Variants in KMT2D observed in about 807,000 individuals in gnomAD.
The protein encoded by KMT2D is histone-lysine N-methyltransferase 2D.
In KMT2D, 55 loss-of-function variants were observed where a neutral mutation model predicts 512.7. The observed-to-expected ratio is 0.11, with a 90% CI of 0.09 to 0.13. The LOEUF (loss-of-function observed/expected upper bound fraction) is 0.13. KMT2D is among the 10% of genes least tolerant of loss of function. The pLI is 1.00. For synonymous variants in KMT2D, 2,995 were observed against 2,904.0 expected (o/e 1.03, Z -1.01); for missense variants, 6,061 against 7,127.9 (o/e 0.85, Z 5.39).
In KMT2D at chr12:49,020,229, G is replaced by A. The variant is rs1288117070; in HGVS notation, c.*1551C>T. On this transcript the variant is annotated 3_prime_UTR_variant, in exon 55 of 55. Transcript: ENST00000301067. ...TATAACATAGTCCAACTATACAACA[G>A]GGGGTGGGAATTGCCCAGCCTCTAT... 5.7e-6 allele frequency: 1 copy of A among 175,868 alleles called. No homozygotes were observed. Among genetic ancestry groups the A allele is most frequent in the African/African-American group, 2.4e-5 (1 of 42,110 alleles). The allele number at this position is 175,868 out of a possible 1,614,324, so 10.9% of individuals were successfully genotyped here. A position where few individuals can be genotyped will look rare whatever the true frequency, so the allele number is the denominator to read the frequency against.
Position 49,022,348 on chromosome 12 carries a change from T to G in KMT2D, c.16344A>C (p.Arg5448=). Residue 5448 remains arginine, a synonymous_variant, in exon 53 of 55, where the codon CGA becomes CGC. Coordinates refer to ENST00000301067, the MANE Select transcript of KMT2D (RefSeq NM_003482.4). This position sits in a 1 kb window ranked among gnomAD's most constrained non-coding sequence, Gnocchi z 8.6. ...RREKIYEEQN[R]GIYMFRINNE... The stretch of plus-strand genomic sequence containing the variant: ...TGTTTATTCGGAACATGTAGATGCC[T>G]CGATTCTAGAAAGGCAGAGGTTGCA... The G allele has an allele frequency of 6.2e-7, 1 of 1,604,366 alleles. No homozygotes were observed. Among genetic ancestry groups the G allele is most frequent in the East Asian group, 2.2e-5 (1 of 44,628 alleles).
chr12:49,029,668 GTTTTT>G (rs796401408), intron 43 of KMT2D, among the ~76,000 whole-genome samples, 192 bp from the exon 44 acceptor site: 1 of 117,438 alleles, frequency 8.5e-6, no homozygotes, highest in Non-Finnish European at 1.7e-5. Context: ...GTTGTTTTTT[GTTTTT>G]TTTGTTTTTT....
At chr12:49,045,047 G>T in intron 19 of KMT2D, 82 bp from the exon 20 acceptor site, 2 of 1,350,434 alleles carry the variant, frequency 1.5e-6, no homozygotes, top group South Asian at 1.2e-5. Flanking sequence ...TATGTCCTTA[G>T]CTGAGACAAA....
chr12:49,034,152 G>A lies in KMT2D; in HGVS notation c.10655C>T (p.Ala3552Val), dbSNP rs759570051. Residue 3552 changes from alanine (A) to valine (V), a missense_variant, in exon 39 of 55, where the codon GCT becomes GTT. Ala to Val is a moderately conservative substitution (Grantham distance 64). This residue lies in a region of KMT2D where 50 missense variants were observed against 119.9 expected (regional missense o/e 0.42). Coordinates refer to ENST00000301067, the MANE Select transcript of KMT2D (RefSeq NM_003482.4). ...ATCAGCTTCTGGGAACTCACGGCCA[G>A]CTTTTTTGGCAGTGCGCTGCTTGGC... is the stretch of plus-strand genomic sequence containing the variant. ...LCAKQRTAKK[A>V]GREFPEADAE... The A allele has an allele frequency of 6.2e-7, 1 of 1,613,316 alleles. No individual in the cohort carries two copies. Among genetic ancestry groups the A allele is most frequent in the Admixed American group, 1.7e-5 (1 of 60,028 alleles).
chr12:49,042,832 A>T lies in KMT2D; in HGVS notation c.5691T>A (p.Asp1897Glu). Reference sequence around the variant, plus strand: ...GCTGTTCTCGTTCAGAGCCCAGAACATCCTTGAAGAGCTGCTGCAGGTCCT... The same window carrying T: ...GCTGTTCTCGTTCAGAGCCCAGAACTTCCTTGAAGAGCTGCTGCAGGTCCT... ...ESKDLQQLFK[D>E]VLGSEREQHL... Residue 1897 changes from aspartate (D) to glutamate (E), a missense_variant, in exon 27 of 55, where the codon GAT becomes GAA. Asp to Glu is a conservative substitution (Grantham distance 45, BLOSUM62 2). This residue lies in a region of KMT2D where 640 missense variants were observed against 814.3 expected (regional missense o/e 0.79). Transcript: ENST00000301067. This position sits in a 1 kb window ranked among gnomAD's most constrained non-coding sequence, Gnocchi z 4.4. The T allele has an allele frequency of 1.2e-6, 2 of 1,613,946 alleles. No homozygotes were observed. The highest frequency in any genetic ancestry group is 8.5e-7 in the Non-Finnish European group (1 of 1,179,864).
In KMT2D at chr12:49,037,798, C is replaced by A. The variant is rs1390707389; in HGVS notation, c.9558G>T (p.Gly3186=). The change falls in exon 35 of 55, where the codon GGG becomes GGT. Residue 3186 remains glycine (G), a synonymous_variant. Transcript: ENST00000301067. ...SGHTAEKASF[G]ATGGPPAHLL... The stretch of plus-strand genomic sequence containing the variant: ...GGTGAGCTGGTGGTCCTCCCGTGGC[C>A]CCAAAGGAGGCCTTCTCAGCTGTGT... 6.3e-7 allele frequency: 1 copy of A among 1,596,848 alleles called. No homozygotes were observed.
Position 49,021,641 on chromosome 12 carries a change from C to T in KMT2D, c.*139G>A, listed in dbSNP as rs550616565. 4.2e-6 allele frequency: 3 copies of T among 707,540 alleles called. No homozygotes were observed. The highest frequency in any genetic ancestry group is 1.9e-5 in the South Asian group (1 of 52,880). 43.8% of individuals were successfully genotyped at this position (707,540 alleles called of 1,614,324 possible). ...GGCCTAGGGCCCTCTGCCCCAGCCT[C>T]CTGCTCCAGGGGCTCCGGGTCAGCC... is the stretch of plus-strand genomic sequence containing the variant. On this transcript the variant is annotated 3_prime_UTR_variant, in exon 55 of 55. Coordinates refer to ENST00000301067, the MANE Select transcript of KMT2D (RefSeq NM_003482.4).
intron 43 of KMT2D, among the ~76,000 whole-genome samples, 183 bp from the exon 44 acceptor site, chr12:49,029,659 T>C (rs572765470): frequency 1.4e-5 from 2 of 143,002 alleles, no homozygotes; most frequent in Non-Finnish European, 3.0e-5. Flanking sequence ...CCAGGCACTG[T>C]TGTTTTTTGT....
chr12:49,054,019 T>C lies in KMT2D; in HGVS notation c.632A>G (p.Gln211Arg), dbSNP rs764456734. 2.5e-6 allele frequency: 4 copies of C among 1,613,942 alleles called. No homozygotes were observed. The highest frequency in any genetic ancestry group is 1.1e-5 in the South Asian group (1 of 91,072). ...CTCACTGTGCTCTGGGCATAGCAGC[T>C]GCAGTGTTTTCATGGATAGGAAGGA... The part of the protein sequence containing the change: ...SGSFLSMKTL[Q>R]LLCPEHSEGA... The change falls in exon 6 of 55, where the codon CAG becomes CGG. Residue 211 changes from glutamine to arginine, a missense_variant. Physicochemically the swap from Gln to Arg is conservative, Grantham distance 43. This residue lies in a region of KMT2D where 160 missense variants were observed against 225.8 expected (regional missense o/e 0.71). Coordinates refer to ENST00000301067, the MANE Select transcript of KMT2D (RefSeq NM_003482.4). The surrounding 1 kb of genome is among the most constrained non-coding windows in gnomAD (Gnocchi z 6.4).
At position 49,034,623 on chromosome 12, in the gene KMT2D, T is replaced by C. The variant is rs1943128154; in HGVS notation, c.10399A>G (p.Ser3467Gly). ...LLAQRLSGGP[S>G]SDLQNHVAAG... ...GCCACATGGTTCTGCAGATCACTGC[T>C]AGGTCCCCCCGAGAGCCTCTGGGCT... The change falls in exon 37 of 55, where the codon AGC (serine) becomes GGC (glycine). Residue 3467 changes from serine (S) to glycine (G), a missense_variant. Physicochemically the swap from Ser to Gly is moderately conservative, Grantham distance 56. Around this residue, in one of 16 missense-constraint regions of KMT2D, gnomAD observed 533 missense variants for 539.6 expected, o/e 0.99. Transcript: ENST00000301067. The C allele has an allele frequency of 6.2e-7, 1 of 1,613,444 alleles. No homozygotes were observed. Among genetic ancestry groups the C allele is most frequent in the Non-Finnish European group, 8.5e-7 (1 of 1,179,770 alleles).
In KMT2D at chr12:49,024,986, C is replaced by T; in HGVS notation, c.15785-40G>A. On this transcript the variant is annotated intron_variant, in intron 49 of 54. Coordinates refer to ENST00000301067, the MANE Select transcript of KMT2D (RefSeq NM_003482.4). The surrounding 1 kb of genome is among the most constrained non-coding windows in gnomAD (Gnocchi z 4.5). ...AGAGAGCAGTCCTCAGAGGCAACTT[C>T]TGCTCACTGACCTCCAGTCCCTAAC... 6.4e-7 allele frequency: 1 copy of T among 1,564,252 alleles called. No individual in the cohort carries two copies. Among genetic ancestry groups the T allele is most frequent in the Non-Finnish European group, 8.7e-7 (1 of 1,153,794 alleles).
Position 49,031,464 on chromosome 12 carries a change from C to T in KMT2D, c.13241G>A (p.Ser4414Asn), listed in dbSNP as rs2120420427. Residue 4414 changes from serine (S) to asparagine (N), a missense_variant, in exon 40 of 55, where the codon AGC becomes AAC. Around this residue, in one of 16 missense-constraint regions of KMT2D, gnomAD observed 1,600 missense variants for 1,754.9 expected, o/e 0.91. Transcript: ENST00000301067. ...CTCTTCCCGAGGTTCCTGCTTGATG[C>T]TGAGTTGGGATGCCTCAGGCACCAC... ...GQVVPEASQLSIKQEPREEPC... is the reference protein window; with the variant it reads ...GQVVPEASQLNIKQEPREEPC... The T allele has an allele frequency of 6.2e-7, 1 of 1,613,736 alleles. No individual in the cohort carries two copies. Among genetic ancestry groups the T allele is most frequent in the Non-Finnish European group, 8.5e-7 (1 of 1,179,846 alleles).
In KMT2D at chr12:49,031,252, C is replaced by T. The variant is rs2120417939; in HGVS notation, c.13453G>A (p.Ala4485Thr). 1 of 1,613,144 alleles carries T rather than the reference C, an allele frequency of 6.2e-7. No individual in the cohort carries two copies. The change falls in exon 40 of 55, where the codon GCT becomes ACT. Residue 4485 changes from alanine to threonine, a missense_variant. Coordinates refer to ENST00000301067, the MANE Select transcript of KMT2D (RefSeq NM_003482.4). Reference sequence around the variant, plus strand: ...CTGTCAATGTGCCCGTTGATCTCAGCTCGCAGCCCCTCGGACCCCCGCCCA... The same window carrying T: ...CTGTCAATGTGCCCGTTGATCTCAGTTCGCAGCCCCTCGGACCCCCGCCCA... Reference protein sequence around the residue: ...STGRGSEGLRAEINGHIDSKL... With the variant: ...STGRGSEGLRTEINGHIDSKL...
In KMT2D at chr12:49,022,734, G is replaced by A. The variant is rs199547050; in HGVS notation, c.16194C>T (p.Asn5398=). ...GGATACGGGAGCGAGCCAGGTACAC[G>A]TTGTTCTTCCATTCGGTGCGCAGCC... The part of the protein sequence containing the change: ...YRRLRTEWKN[N]VYLARSRIQG... Residue 5398 remains asparagine, a synonymous_variant, in exon 52 of 55, where the codon AAC becomes AAT. Coordinates refer to ENST00000301067, the MANE Select transcript of KMT2D (RefSeq NM_003482.4). This position sits in a 1 kb window ranked among gnomAD's most constrained non-coding sequence, Gnocchi z 8.6. 1.4e-4 allele frequency: 221 copies of A among 1,614,008 alleles called. No individual in the cohort carries two copies. Among genetic ancestry groups the A allele is most frequent in the East Asian group, 1.3e-3 (58 of 44,876 alleles).
chr12:49,032,127 G>A lies in KMT2D; in HGVS notation c.12578C>T (p.Thr4193Met), dbSNP rs369356025. ...GAGCTGTGCTCGAAGCTGACCCACCGTAGGCATGATTCCAACCCCAGGCAG... is the reference window on the plus strand; with the variant it reads ...GAGCTGTGCTCGAAGCTGACCCACCATAGGCATGATTCCAACCCCAGGCAG... The part of the protein sequence containing the change: ...QGLPGVGIMP[T>M]VGQLRAQLQG... Residue 4193 changes from threonine (T) to methionine (M), a missense_variant, in exon 40 of 55, where the codon ACG (threonine) becomes ATG (methionine). Thr to Met is a moderately conservative substitution (Grantham distance 81). This residue lies in a region of KMT2D where 1,600 missense variants were observed against 1,754.9 expected (regional missense o/e 0.91). Coordinates refer to ENST00000301067, the MANE Select transcript of KMT2D (RefSeq NM_003482.4). 50 of 1,613,736 alleles carry A rather than the reference G, an allele frequency of 3.1e-5. No homozygotes were observed. Among genetic ancestry groups the A allele is most frequent in the African/African-American group, 2.0e-4 (15 of 74,936 alleles).
At position 49,021,433 on chromosome 12, in the gene KMT2D, A is replaced by C. The variant is rs950302463; in HGVS notation, c.*347T>G. 5.7e-6 allele frequency: 2 copies of C among 350,090 alleles called. No individual in the cohort carries two copies. The highest frequency in any genetic ancestry group is 1.1e-5 in the Non-Finnish European group (2 of 190,360). The allele number at this position is 350,090 out of a possible 1,614,324, so 21.7% of individuals were successfully genotyped here. A position where few individuals can be genotyped will look rare whatever the true frequency, so the allele number is the denominator to read the frequency against. On this transcript the variant is annotated 3_prime_UTR_variant, in exon 55 of 55. Coordinates refer to ENST00000301067, the MANE Select transcript of KMT2D (RefSeq NM_003482.4). The stretch of plus-strand genomic sequence containing the variant: ...GCAGGGCTGTGAGGCCCGGCCACAC[A>C]TCCTCTTCCCCCACCCTGCTGCCTC...
chr12:49,053,053 GCCCGGCACA>G lies in KMT2D; in HGVS notation c.965_973del (p.Val322_Arg324del). On this transcript the variant is annotated inframe_deletion, in exon 9 of 55. Coordinates refer to ENST00000301067, the MANE Select transcript of KMT2D (RefSeq NM_003482.4). The stretch of plus-strand genomic sequence containing the variant: ...CAGTTCTGCTGAGCCCGCCCCACAG[GCCCGGCACA>G]CCCGGCACGCCTAAGGGAAGGGAGT... 5.6e-6 allele frequency: 9 copies of G among 1,614,044 alleles called. No homozygotes were observed. The highest frequency in any genetic ancestry group is 7.6e-6 in the Non-Finnish European group (9 of 1,179,888).
rs745310921 is a variant in KMT2D at position 49,026,498 on chromosome 12, G to A, written c.15468C>T (p.Tyr5156=). ...LSSFAVFRRV[Y]IERDEVKQIA... is the part of the protein sequence containing the mutation. ...TTTGCTTCACCTCGTCCCGCTCAAT[G>A]TAGACCCGCCGGAAGACAGCAAAAG... The change falls in exon 49 of 55, where the codon TAC becomes TAT. Residue 5156 remains tyrosine, a synonymous_variant. Coordinates refer to ENST00000301067, the MANE Select transcript of KMT2D (RefSeq NM_003482.4). The surrounding 1 kb of genome is among the most constrained non-coding windows in gnomAD (Gnocchi z 9.6). 37 of 1,613,924 alleles carry A rather than the reference G, an allele frequency of 2.3e-5. No individual in the cohort carries two copies. The Admixed American group carries it at 5.3e-4, about 23-fold the overall frequency.
In KMT2D at chr12:49,028,738, G is replaced by C. The variant is rs1345080389; in HGVS notation, c.14382+90C>G. The stretch of plus-strand genomic sequence containing the variant: ...CAATAGGTACTCAGTACATGTGCTT[G>C]AACGACTACATTTTTCCTTATCCAG... On this transcript the variant is annotated intron_variant, in intron 46 of 54. Transcript: ENST00000301067. 8 of 1,536,124 alleles carry C rather than the reference G, an allele frequency of 5.2e-6. 2 individuals are homozygous for C. The Admixed American group carries it at 1.3e-4, about 24-fold the overall frequency.
Sources: allele counts gnomAD v4.1 joint callset (sites outside exome capture counted in the v4.1 genomes callset), GRCh38; gene constraint gnomAD v4.1.1; regional missense constraint gnomAD v4.1.1; non-coding constraint Gnocchi (gnomAD v3.1); transcripts MANE v1.5; gene names NCBI Gene and HGNC (gene_info 2026-07-23, HGNC 2026-07-21).